Variants in HUWE1 observed in about 807,000 individuals in gnomAD.
HUWE1 encodes E3 ubiquitin-protein ligase HUWE1.
HUWE1 carries 18 observed loss-of-function variants against 299.4 expected under a neutral mutation model. The ratio of observed to expected loss-of-function variants is 0.06; its 90% confidence interval spans 0.04 to 0.09. HUWE1 has a LOEUF of 0.09. HUWE1 is among the 10% of genes least tolerant of loss of function. The probability of loss-of-function intolerance (pLI) is 1.00; values close to 1 mark genes in which losing one functional copy is unlikely to be tolerated. For synonymous variants in HUWE1, 1,317 were observed against 1,286.1 expected, an observed-to-expected ratio of 1.02 and a Z score of -0.51; for missense variants, 1,832 against 3,462.3, an observed-to-expected ratio of 0.53 and a Z score of 11.82.
chrX:53,682,199 CATTTT>C (rs781932347), intron 2 of HUWE1, among the ~76,000 whole-genome samples: 48 of 111,842 alleles, frequency 4.3e-4, no homozygotes, highest in East Asian at 3.0e-3. Flanking sequence ...ATGAGCTAAA[CATTTT>C]ATTTTATTTT....
chrX:53,614,705 T>C lies in HUWE1; in HGVS notation c.2090A>G (p.Tyr697Cys). 1 of 1,206,973 alleles carries C rather than the reference T, an allele frequency of 8.3e-7. No homozygotes were observed. The highest frequency in any genetic ancestry group is 3.0e-5 in the East Asian group (1 of 33,814). Residue 697 changes from tyrosine to cysteine, a missense_variant, in exon 23 of 84, where the codon TAC becomes TGC. Coordinates refer to ENST00000262854, the MANE Select transcript of HUWE1 (RefSeq NM_031407.7). ...EICNLGRDPK[Y>C]ICQKPSIQKA... ...CTGGATTGATGGCTTCTGACAGATG[T>C]ATTTGGGGTCCCTTCCAAGATTACA...
chrX:53,556,087 C>A, intron 60 of HUWE1: 1 of 283,678 alleles, frequency 3.5e-6, no homozygotes. Flanking sequence ...TAATGAAAGA[C>A]AAGTCACTTT....
In HUWE1 at chrX:53,668,771, T is replaced by C. The variant is rs142743104; in HGVS notation, c.-25+11278A>G. ...GATTGATAAGACAGAAATACAGATA[T>C]ATAAATCTGATCATATGCAAAAGAG... On this transcript the variant is annotated intron_variant, in intron 3 of 83. Coordinates refer to ENST00000262854, the MANE Select transcript of HUWE1 (RefSeq NM_031407.7). Among the ~76,000 whole-genome samples, 255 of 112,422 alleles carry C rather than the reference T, an allele frequency of 2.3e-3. No individual in the cohort carries two copies. In the Middle Eastern group the frequency reaches 0.064, roughly 28 times the overall value.
At chrX:53,668,805 C>G (rs1279051336) in intron 3 of HUWE1, among the ~76,000 whole-genome samples, 1 of 112,256 alleles carries the variant, frequency 8.9e-6, no homozygotes, top group African/African-American at 3.2e-5. Flanking sequence ...AGCTGGCCTT[C>G]TCAATCTTTC....
chrX:53,613,410 T>A (rs1481019298), intron 23 of HUWE1, among the ~76,000 whole-genome samples: 1 of 111,634 alleles, frequency 9.0e-6, no homozygotes, highest in Non-Finnish European at 1.9e-5. Context: ...TCAAATGCAT[T>A]CATAGCTGTG....
At chrX:53,673,457 G>A (rs782219210) in intron 3 of HUWE1, among the ~76,000 whole-genome samples, 5 of 111,509 alleles carry the variant, frequency 4.5e-5, no homozygotes, top group Admixed American at 1.9e-4. Context: ...CAGCCTGAAG[G>A]TAATTTTACA....
chrX:53,643,340 T>C (rs1346825625), intron 7 of HUWE1, among the ~76,000 whole-genome samples: 2 of 111,105 alleles, frequency 1.8e-5, no homozygotes, highest in Admixed American at 1.9e-4. Context: ...ATGGGGTCTT[T>C]TCACCAATCA....
chrX:53,621,999 A>G (rs781814660), intron 19 of HUWE1, among the ~76,000 whole-genome samples: 56 of 112,391 alleles, frequency 5.0e-4, no homozygotes, highest in African/African-American at 1.8e-3. Context: ...TAAATGGGAT[A>G]CTACAAATGA....
rs1556924457 is a variant in HUWE1 at position 53,547,829 on chromosome X, T to C, written c.10480A>G (p.Thr3494Ala). ...TTATSTTSTT[T>A]TTAASTTPTP... ...GGCGTGGTGGAGGCGGCAGTGGTGG[T>C]GGTGGTAGATGTGGTTGAGGTGGCA... The change falls in exon 68 of 84, where the codon ACC (threonine) becomes GCC (alanine). Residue 3494 changes from threonine (T) to alanine (A), a missense_variant. Transcript: ENST00000262854. 2.5e-6 allele frequency: 3 copies of C among 1,195,095 alleles called. No individual in the cohort carries two copies. The highest frequency in any genetic ancestry group is 3.5e-5 in the African/African-American group (2 of 56,530).
rs1475476261 is a variant in HUWE1, at chrX:53,539,727, G to A, written c.11562C>T (p.Asp3854=). 3 of 1,209,423 alleles carry A rather than the reference G, an allele frequency of 2.5e-6. No homozygotes were observed. Among genetic ancestry groups the A allele is most frequent in the South Asian group, 1.8e-5 (1 of 56,819 alleles). Residue 3854 remains aspartate (D), a synonymous_variant, in exon 75 of 84, where the codon GAC becomes GAT. Transcript: ENST00000262854. ...ACTCCCCAAGCATGTCCCACAGCTC[G>A]TCCAAACTCAGCTGCTCGCTGAGCA... ...LPLLSEQLSL[D]ELWDMLGECL...
intron 7 of HUWE1, among the ~76,000 whole-genome samples, chrX:53,643,226 C>A (rs1557032604): frequency 8.9e-6 from 1 of 111,958 alleles, no homozygotes; most frequent in East Asian, 2.8e-4. Flanking sequence ...ATTCTTTCCC[C>A]ACCATTGTTA....
intron 43 of HUWE1, among the ~76,000 whole-genome samples, chrX:53,577,996 TGAG>T (rs1453491178): frequency 8.9e-6 from 1 of 112,154 alleles, no homozygotes; most frequent in Non-Finnish European, 1.9e-5. Flanking sequence ...GTCTGGGATG[TGAG>T]GAGCCCCTCT....
At chrX:53,566,245 C>G (rs2062563503) in intron 49 of HUWE1, among the ~76,000 whole-genome samples, 1 of 101,565 alleles carries the variant, frequency 9.8e-6, no homozygotes, top group Non-Finnish European at 2.0e-5. Context: ...ACAAGTGATC[C>G]CAGGAATAGG....
At chrX:53,677,943 G>A (rs1557051727) in intron 3 of HUWE1, among the ~76,000 whole-genome samples, 1 of 111,714 alleles carries the variant, frequency 9.0e-6, no homozygotes, top group East Asian at 2.8e-4. Context: ...AATGACTACT[G>A]AAAGGAAAAA....
At chrX:53,651,871 A>G (rs1332214974) in intron 4 of HUWE1, among the ~76,000 whole-genome samples, 3 of 111,676 alleles carry the variant, frequency 2.7e-5, no homozygotes, top group South Asian at 3.8e-4. Flanking sequence ...GATGCCTCAT[A>G]TAAGAGGATT....
At chrX:53,663,575 G>A (rs782051869) in intron 3 of HUWE1, among the ~76,000 whole-genome samples, 2 of 111,382 alleles carry the variant, frequency 1.8e-5, no homozygotes, top group Admixed American at 9.5e-5. Context: ...TCACTGAAAT[G>A]TAGAGGAAAA....
chrX:53,585,775 C>T (rs1411230577), intron 39 of HUWE1, among the ~76,000 whole-genome samples: 4 of 111,905 alleles, frequency 3.6e-5, no homozygotes, highest in African/African-American at 1.3e-4. Flanking sequence ...CAACCTCTGC[C>T]TCCCAGGCTC....
intron 42 of HUWE1, among the ~76,000 whole-genome samples, chrX:53,581,830 A>G (rs2063632149): frequency 8.9e-6 from 1 of 111,913 alleles, no homozygotes; most frequent in Non-Finnish European, 1.9e-5. Flanking sequence ...CAACTGCTGG[A>G]CATTAGACCT....
At chrX:53,667,274 T>G (rs1411547224) in intron 3 of HUWE1, among the ~76,000 whole-genome samples, 1 of 112,460 alleles carries the variant, frequency 8.9e-6, no homozygotes, top group Non-Finnish European at 1.9e-5. Flanking sequence ...AGCTTACCCT[T>G]GACCACTGTG....
Sources: allele counts gnomAD v4.1 joint callset (sites outside exome capture counted in the v4.1 genomes callset), GRCh38; gene constraint gnomAD v4.1.1; transcripts MANE v1.5; gene names NCBI Gene and HGNC (gene_info 2026-07-23, HGNC 2026-07-21).